Variants in ROS1 observed in about 807,000 individuals in gnomAD.
ROS1 encodes the protein proto-oncogene tyrosine-protein kinase ROS.
Under a neutral mutation model 273.5 loss-of-function variants are expected in ROS1, and 263 were observed. The ratio of observed to expected loss-of-function variants is 0.96; its 90% CI spans 0.87 to 1.06. The LOEUF (loss-of-function observed/expected upper bound fraction) is 1.06, where lower values mean the gene tolerates loss of function less well. ROS1 is among the 50% of genes least tolerant of loss of function. The pLI is 0.00. For missense variants in ROS1, 2,833 were observed against 2,751.1 expected (o/e 1.03, Z -0.67); for synonymous variants, 1,008 against 954.1 (o/e 1.06, Z -1.04).
chr6:117,417,996 G>A (rs1315482446), intron 2 of ROS1, among the ~76,000 whole-genome samples: 4 of 152,156 alleles, frequency 2.6e-5, no homozygotes, highest in Non-Finnish European at 2.9e-5. Flanking sequence ...AAGGTTGAGA[G>A]TCCTTTTAAA....
At position 117,386,924 on chromosome 6, in the gene ROS1, C is replaced by A; in HGVS notation, c.2075G>T (p.Gly692Val). Residue 692 changes from glycine (G) to valine (V), a missense_variant, in exon 15 of 44, where the codon GGA (glycine) becomes GTA (valine). Coordinates refer to ENST00000368507, the MANE Select transcript of ROS1 (RefSeq NM_001378902.1). ...WSKPLNSFGP[G>V]EFLSSDIGNV... is the part of the protein sequence containing the mutation. ...TCCTATATCAGAGGATAAGAACTCT[C>A]CTGGGCCAAAGCTATTTAATGGTTT... The A allele has an allele frequency of 6.2e-7, 1 of 1,612,030 alleles. No homozygotes were observed. Among genetic ancestry groups the A allele is most frequent in the South Asian group, 1.1e-5 (1 of 90,966 alleles).
At position 117,301,756 on chromosome 6, in the gene ROS1, T is replaced by C. The variant is rs553881394; in HGVS notation, c.6552-619A>G. 2.0e-5 allele frequency: 3 copies of C among 152,360 alleles called. No individual in the cohort carries two copies. The South Asian group carries it at 6.2e-4, about 32-fold the overall frequency. 9.4% of individuals were successfully genotyped at this position (152,360 alleles called of 1,614,324 possible). A position where few individuals can be genotyped will look rare whatever the true frequency, so the allele number is the denominator to read the frequency against. On this transcript the variant is annotated intron_variant, in intron 42 of 43. Transcript: ENST00000368507. The stretch of plus-strand genomic sequence containing the variant: ...ATAAAAATTGTTGAAGAGGCTGACA[T>C]TTAAAAGATTTACTCCATTCCACAC...
intron 39 of ROS1, among the ~76,000 whole-genome samples, chr6:117,313,985 G>A (rs1775726547): frequency 6.6e-6 from 1 of 152,092 alleles, no homozygotes; most frequent in Non-Finnish European, 1.5e-5. Flanking sequence ...CAGCTGAAGT[G>A]CATGTGAGAA....
At position 117,387,823 on chromosome 6, in the gene ROS1, T is replaced by G; in HGVS notation, c.1956A>C (p.Pro652=). The part of the protein sequence containing the change: ...VSVRASSPKR[P]GPWSEPSVGT... ...CCACTGAGGGCTCTGACCAGGGGCCTGGCCTCTTTGGAGAACTTGCTCTCA... is the reference window on the plus strand; with the variant it reads ...CCACTGAGGGCTCTGACCAGGGGCCGGGCCTCTTTGGAGAACTTGCTCTCA... Residue 652 remains proline, a synonymous_variant, in exon 14 of 44, where the codon CCA becomes CCC. Transcript: ENST00000368507. 1 of 1,614,168 alleles carries G rather than the reference T, an allele frequency of 6.2e-7. No homozygotes were observed. Among genetic ancestry groups the G allele is most frequent in the Non-Finnish European group, 8.5e-7 (1 of 1,180,010 alleles).
At position 117,356,641 on chromosome 6, in the gene ROS1, G is replaced by C. The variant is rs368568897; in HGVS notation, c.4114C>G (p.Pro1372Ala). 1.2e-6 allele frequency: 2 copies of C among 1,612,660 alleles called. No homozygotes were observed. ...ATCAGCATCTTACCGAGCATAGCAG[G>C]TACTGTGATAACTCTCCAACACTGA... ...GCQCWRVITV[P>A]AMLGKTLVSL... The change falls in exon 26 of 44, where the codon CCT (proline) becomes GCT (alanine). Residue 1372 changes from proline to alanine, a missense_variant. Transcript: ENST00000368507.
At chr6:117,367,028 C>T (rs1326076064) in intron 18 of ROS1, among the ~76,000 whole-genome samples, 1 of 152,168 alleles carries the variant, frequency 6.6e-6, no homozygotes, top group Non-Finnish European at 1.5e-5. Flanking sequence ...AAGGTTCTTA[C>T]AGGACCTGGA....
At chr6:117,378,961 A>G (rs893180476) in intron 18 of ROS1, 98 bp downstream of exon 18, 8 of 749,944 alleles carry the variant, frequency 1.1e-5, no homozygotes, top group Non-Finnish European at 1.8e-5. Context: ...GGATAACCAG[A>G]AAATGTTTAT....
chr6:117,348,914 T>G (rs1306793886), intron 27 of ROS1, among the ~76,000 whole-genome samples: 1 of 152,064 alleles, frequency 6.6e-6, no homozygotes, highest in Non-Finnish European at 1.5e-5. Context: ...GTTATTGAGT[T>G]CTAGTTAAAT....
intron 39 of ROS1, among the ~76,000 whole-genome samples, chr6:117,312,548 C>G (rs1384789732): frequency 6.6e-6 from 1 of 152,110 alleles, no homozygotes; most frequent in Non-Finnish European, 1.5e-5. Context: ...GAACCCTGCT[C>G]TGCTCTTGAC....
At chr6:117,292,146 T>A (rs920901105) in intron 43 of ROS1, among the ~76,000 whole-genome samples, 2 of 151,034 alleles carry the variant, frequency 1.3e-5, no homozygotes, top group African/African-American at 4.8e-5. Context: ...ATTTTTTCTA[T>A]TTTTTAGTAG....
chr6:117,423,776 T>A (rs9320601), intron 1 of ROS1, among the ~76,000 whole-genome samples: 18,866 of 151,854 alleles, frequency 0.12, 1,296 homozygotes, highest in African/African-American at 0.16. Context: ...TCAGAGTAAA[T>A]GTCCATGTTT....
chr6:117,360,193 G>A (rs1163358185), intron 23 of ROS1, 149 bp downstream of exon 23: 1 of 753,228 alleles, frequency 1.3e-6, no homozygotes, highest in African/African-American at 1.8e-5. Flanking sequence ...ATATTTTGGT[G>A]GTGTGTTGGG....
intron 9 of ROS1, 92 bp from the exon 10 acceptor site, chr6:117,394,830 G>T: frequency 8.6e-7 from 1 of 1,158,948 alleles, no homozygotes; most frequent in Non-Finnish European, 1.2e-6. Flanking sequence ...TCAAAGCAAG[G>T]GGACTAGTGC....
Position 117,312,120 on chromosome 6 carries a change from G to A in ROS1, c.6118-1003C>T, listed in dbSNP as rs927419025. Among the ~76,000 whole-genome samples, 5 of 152,108 alleles carry A rather than the reference G, an allele frequency of 3.3e-5. No homozygotes were observed. In the South Asian group the frequency reaches 6.2e-4, roughly 19 times the overall value. On this transcript the variant is annotated intron_variant, in intron 39 of 43. Transcript: ENST00000368507. ...TTCTCCTCTCTCAATCTGTGCTTCC[G>A]TTACACTGGTCCGATTGCAGTTCCT... is the stretch of plus-strand genomic sequence containing the variant.
rs201191777 is a variant in ROS1 at position 117,318,187 on chromosome 6, C to T, written c.5987+1G>A. On this transcript the variant is annotated splice_donor_variant, in intron 38 of 43. Coordinates refer to ENST00000368507, the MANE Select transcript of ROS1 (RefSeq NM_001378902.1). LOFTEE classifies it high-confidence loss of function. The stretch of plus-strand genomic sequence containing the variant: ...CCAGGAGAAAATTATTTCAGAGCTA[C>T]CTCATCAGATGTGCCTCCTTCAGGA... The T allele has an allele frequency of 3.7e-6, 6 of 1,611,222 alleles. No individual in the cohort carries two copies. The African/African-American group carries it at 6.7e-5, about 18-fold the overall frequency.
At chr6:117,368,864 G>GA (rs1413483978) in intron 18 of ROS1, among the ~76,000 whole-genome samples, 1 of 151,606 alleles carries the variant, frequency 6.6e-6, no homozygotes, top group Non-Finnish European at 1.5e-5. Flanking sequence ...GAATTAATGT[G>GA]AAAAAAAGAA....
intron 38 of ROS1, 22 bp from the exon 39 acceptor site, chr6:117,317,294 G>T (rs778148565): frequency 1.2e-6 from 2 of 1,604,904 alleles, no homozygotes; most frequent in Non-Finnish European, 1.7e-6. Context: ...AAAGACACAG[G>T]CTGGATGATA....
At position 117,287,833 on chromosome 6, in the gene ROS1, T is replaced by C. The variant is rs1014165537; in HGVS notation, c.*659A>G. On this transcript the variant is annotated 3_prime_UTR_variant, in exon 44 of 44. Transcript: ENST00000368507. ...TACTTAGGAGGCTGAGGCACGAGAA[T>C]TGCTTGAACCCAGGAGGTGGAGTTT... is the stretch of plus-strand genomic sequence containing the variant. Among the ~76,000 whole-genome samples, 1 of 151,248 alleles carries C rather than the reference T, an allele frequency of 6.6e-6. No individual in the cohort carries two copies. Among genetic ancestry groups the C allele is most frequent in the Non-Finnish European group, 1.5e-5 (1 of 67,938 alleles).
chr6:117,425,306 C>CA (rs1199279308), intron 1 of ROS1, among the ~76,000 whole-genome samples: 1 of 151,990 alleles, frequency 6.6e-6, no homozygotes, highest in East Asian at 1.9e-4. Context: ...TCCTCTAGCC[C>CA]AAAAAATATA....
Sources: allele counts gnomAD v4.1 joint callset (sites outside exome capture counted in the v4.1 genomes callset), GRCh38; gene constraint gnomAD v4.1.1; transcripts MANE v1.5; gene names NCBI Gene and HGNC (gene_info 2026-07-23, HGNC 2026-07-21).